DPP10: variants seen among roughly 807,000 people sequenced by gnomAD.
The protein encoded by DPP10 is inactive dipeptidyl peptidase 10.
DPP10 carries 33 observed loss-of-function variants against 120.9 expected under a neutral mutation model. The observed-to-expected ratio is 0.27, with a 90% CI of 0.21 to 0.37. The LOEUF (loss-of-function observed/expected upper bound fraction) is 0.37, where lower values mean the gene tolerates loss of function less well. Ranked by LOEUF, DPP10 falls within the 10% of genes least tolerant of loss-of-function variation. The pLI, the probability that DPP10 is intolerant of heterozygous loss-of-function variation, is 1.00. For synonymous variants in DPP10, 337 were observed against 326.1 expected, an observed-to-expected ratio of 1.03 and a Z score of -0.36; for missense variants, 816 against 942.8, an observed-to-expected ratio of 0.87 and a Z score of 1.76.
At chr2:115,162,409 G>A (rs924731865) in intron 1 of DPP10, 54 of 1,251,790 alleles carry the variant, frequency 4.3e-5, no homozygotes, top group Non-Finnish European at 5.5e-5. Flanking sequence ...CCTGACGGCC[G>A]CTCACCGGGT....
chr2:114,946,149 A>G (rs936658420), intron 1 of DPP10, among the ~76,000 whole-genome samples: 2 of 152,222 alleles, frequency 1.3e-5, no homozygotes, highest in Non-Finnish European at 2.9e-5. Flanking sequence ...GAACTTAGGT[A>G]TAAAACTAAG....
chr2:115,335,740 C>T lies in DPP10; in HGVS notation c.176-8077C>T, dbSNP rs540207465. Among the ~76,000 whole-genome samples the T allele has an allele frequency of 3.9e-5, 6 of 152,062 alleles. No individual in the cohort carries two copies. In the East Asian group the frequency reaches 1.2e-3, roughly 29 times the overall value. Reference sequence around the variant, plus strand: ...GGGGTAGAAGTGATGTTATTTCAATCAGCTAGTCAATAATATTTAAAATGG... The same window carrying T: ...GGGGTAGAAGTGATGTTATTTCAATTAGCTAGTCAATAATATTTAAAATGG... On this transcript the variant is annotated intron_variant, in intron 2 of 25. Coordinates refer to ENST00000410059, the MANE Select transcript of DPP10 (RefSeq NM_020868.6).
chr2:115,802,538 G>A (rs1023547245), intron 19 of DPP10, among the ~76,000 whole-genome samples: 2,718 of 152,138 alleles, frequency 0.018, 80 homozygotes, highest in African/African-American at 0.06. Context: ...GTCAATTTTA[G>A]ATCTTTCCTG....
intron 3 of DPP10, among the ~76,000 whole-genome samples, chr2:115,373,768 T>A (rs933959624): frequency 2.6e-5 from 4 of 151,700 alleles, no homozygotes; most frequent in African/African-American, 9.7e-5. Flanking sequence ...GAAAAGAGGT[T>A]TCATTGACTC....
intron 1 of DPP10, among the ~76,000 whole-genome samples, chr2:114,678,867 T>A (rs1481128610): frequency 6.6e-6 from 1 of 152,110 alleles, no homozygotes; most frequent in Non-Finnish European, 1.5e-5. Flanking sequence ...CTAAGAAAAT[T>A]AACTCCATAA....
intron 1 of DPP10, among the ~76,000 whole-genome samples, chr2:114,791,676 T>C (rs1683253308): frequency 6.6e-6 from 1 of 152,214 alleles, no homozygotes; most frequent in African/African-American, 2.4e-5. Flanking sequence ...TGTAGATTGC[T>C]GAATAGACAC....
chr2:115,046,725 A>G (rs1026029103), intron 1 of DPP10, among the ~76,000 whole-genome samples: 1 of 152,150 alleles, frequency 6.6e-6, no homozygotes, highest in African/African-American at 2.4e-5. Flanking sequence ...GAACACAACC[A>G]CATATAATTA....
intron 1 of DPP10, among the ~76,000 whole-genome samples, chr2:115,142,495 G>C (rs2050984321): frequency 6.6e-6 from 1 of 152,142 alleles, no homozygotes. Context: ...CTAAATAGAG[G>C]CAGACCAAGT....
chr2:115,446,069 C>T (rs1019291322), intron 3 of DPP10, among the ~76,000 whole-genome samples: 1 of 152,138 alleles, frequency 6.6e-6, no homozygotes, highest in African/African-American at 2.4e-5. Flanking sequence ...CCCAGCTGCT[C>T]CAGCTCCAGC....
intron 1 of DPP10, among the ~76,000 whole-genome samples, chr2:114,965,782 C>T (rs937458872): frequency 9.9e-5 from 15 of 151,128 alleles, no homozygotes; most frequent in Middle Eastern, 3.5e-3. Context: ...ATCGAGACCA[C>T]GGTGAAACCC....
chr2:114,997,073 A>T (rs1374894202), intron 1 of DPP10, among the ~76,000 whole-genome samples: 1 of 151,728 alleles, frequency 6.6e-6, no homozygotes, highest in Non-Finnish European at 1.5e-5. Context: ...TCACTAGATT[A>T]TGTTAGGAAA....
At chr2:115,051,927 T>C (rs1025089374) in intron 1 of DPP10, among the ~76,000 whole-genome samples, 10 of 152,222 alleles carry the variant, frequency 6.6e-5, no homozygotes. Flanking sequence ...CATCATGTTA[T>C]ACACCGTGTA....
chr2:115,442,998 T>C (rs2072220581), intron 3 of DPP10, among the ~76,000 whole-genome samples: 3 of 152,164 alleles, frequency 2.0e-5, no homozygotes, highest in Non-Finnish European at 4.4e-5. Context: ...TGGTCTATAT[T>C]GCAAAACATT....
At chr2:115,788,689 G>C (rs1385481686) in intron 17 of DPP10, among the ~76,000 whole-genome samples, 1 of 152,184 alleles carries the variant, frequency 6.6e-6, no homozygotes, top group African/African-American at 2.4e-5. Context: ...ACATTCACAC[G>C]AGAAGAAATA....
At chr2:115,644,593 A>C (rs1365321228) in intron 5 of DPP10, among the ~76,000 whole-genome samples, 1 of 151,018 alleles carries the variant, frequency 6.6e-6, no homozygotes, top group African/African-American at 2.5e-5. Flanking sequence ...CAGCGTAGAG[A>C]CACTCCGTCT....
At chr2:114,781,035 C>A (rs1246178407) in intron 1 of DPP10, among the ~76,000 whole-genome samples, 1 of 152,124 alleles carries the variant, frequency 6.6e-6, no homozygotes, top group African/African-American at 2.4e-5. Context: ...TGTTTAACAT[C>A]TCCCTCTCTC....
intron 7 of DPP10, among the ~76,000 whole-genome samples, chr2:115,723,806 T>C (rs111849541): frequency 1.3e-3 from 196 of 152,282 alleles, no homozygotes; most frequent in African/African-American, 4.3e-3. Context: ...TCTGGGATAC[T>C]TTCTTAATTA....
At chr2:115,082,455 T>C (rs1416008107) in intron 1 of DPP10, among the ~76,000 whole-genome samples, 7 of 152,204 alleles carry the variant, frequency 4.6e-5, no homozygotes, top group African/African-American at 7.2e-5. Context: ...GCTGGTAACA[T>C]TGTAGACTGC....
At chr2:115,037,577 T>C (rs1347903179) in intron 1 of DPP10, among the ~76,000 whole-genome samples, 2 of 152,196 alleles carry the variant, frequency 1.3e-5, no homozygotes, top group East Asian at 3.8e-4. Flanking sequence ...TTAGAGCAAC[T>C]ACATGAGACG....
Sources: gnomAD v4.1 joint callset for allele counts (sites outside exome capture counted in the v4.1 genomes callset) on GRCh38, gnomAD v4.1.1 for gene constraint, MANE v1.5 for transcripts, NCBI Gene and HGNC (gene_info 2026-07-23, HGNC 2026-07-21) for gene names.